AGAP1: variants seen among roughly 807,000 people sequenced by gnomAD.
AGAP1 encodes the protein arf-GAP with GTPase, ANK repeat and PH domain-containing protein 1.
AGAP1 carries 29 observed loss-of-function variants against 105.3 expected under a neutral mutation model. The observed-to-expected ratio is 0.28, with a 90% CI of 0.21 to 0.38. The LOEUF (loss-of-function observed/expected upper bound fraction) is 0.38, where lower values mean the gene tolerates loss of function less well. AGAP1 is among the 10% of genes least tolerant of loss of function. The probability of loss-of-function intolerance (pLI) is 1.00; values close to 1 mark genes in which losing one functional copy is unlikely to be tolerated. For synonymous variants in AGAP1, 509 were observed against 485.9 expected, an observed-to-expected ratio of 1.05 and a Z score of -0.63; for missense variants, 998 against 1,165.1, an observed-to-expected ratio of 0.86 and a Z score of 2.09.
intron 13 of AGAP1, among the ~76,000 whole-genome samples, chr2:235,978,292 C>T (rs1015178657): frequency 6.6e-6 from 1 of 152,164 alleles, no homozygotes; most frequent in African/African-American, 2.4e-5. Flanking sequence ...CCCCACCCAC[C>T]CACTCACCCA....
rs948792778 is a variant in AGAP1 at position 235,574,274 on chromosome 2, C to T, written c.163+79425C>T. Among the ~76,000 whole-genome samples the T allele has an allele frequency of 5.9e-5, 9 of 152,216 alleles. No individual in the cohort carries two copies. Among genetic ancestry groups the T allele is most frequent in the Non-Finnish European group, 1.0e-4 (7 of 68,036 alleles). The stretch of plus-strand genomic sequence containing the variant: ...CTCTGAGATCCACCCCCACTCCTGC[C>T]ATCAGGCATTAAAATCTTCCGAACA... On this transcript the variant is annotated intron_variant, in intron 1 of 17. Transcript: ENST00000304032. This position sits in a 1 kb window ranked among gnomAD's most constrained non-coding sequence, Gnocchi z 5.0.
Position 236,094,923 on chromosome 2 carries a change from CAAAAAAA to C in AGAP1, c.2115-25249_2115-25243del, listed in dbSNP as rs59126473. 7.4e-3 allele frequency among the ~76,000 whole-genome samples: 278 copies of C among 37,770 alleles called. 1 individual carries two copies. Among genetic ancestry groups the C allele is most frequent in the Non-Finnish European group, 9.2e-3 (142 of 15,396 alleles). 24.8% of individuals were successfully genotyped at this position (37,770 alleles called of 152,430 possible). On this transcript the variant is annotated intron_variant, in intron 16 of 17. Coordinates refer to ENST00000304032, the MANE Select transcript of AGAP1 (RefSeq NM_001037131.3). ...ATCACAGCAAGAGACCCCATCTCTA[CAAAAAAA>C]AAAAAAAAAAAAAAAAAAATTAGCC...
At position 236,001,652 on chromosome 2, in the gene AGAP1, C is replaced by T. The variant is rs1195507144; in HGVS notation, c.1645+33029C>T. ...GGCCGGGAGACCAGGAGGCCGAGAG[C>T]GGTAGAACGTCACATCCTGGAGGGG... On this transcript the variant is annotated intron_variant, in intron 13 of 17. Transcript: ENST00000304032. This position sits in a 1 kb window ranked among gnomAD's most constrained non-coding sequence, Gnocchi z 4.7. 6.6e-6 allele frequency among the ~76,000 whole-genome samples: 1 copy of T among 152,062 alleles called. No homozygotes were observed. The highest frequency in any genetic ancestry group is 1.5e-5 in the Non-Finnish European group (1 of 68,010).
chr2:235,616,859 C>T (rs865996701), intron 1 of AGAP1, among the ~76,000 whole-genome samples: 2 of 152,260 alleles, frequency 1.3e-5, no homozygotes, highest in South Asian at 2.1e-4. Context: ...TTTGTTGCTT[C>T]GCTGAAGTGA....
chr2:236,048,944 G>C, intron 15 of AGAP1, 115 bp from the exon 16 acceptor site: 2 of 1,007,478 alleles, frequency 2.0e-6, no homozygotes, highest in Non-Finnish European at 3.0e-6. Context: ...TCTCGCCATG[G>C]ATGTGGTTCT....
intron 8 of AGAP1, among the ~76,000 whole-genome samples, chr2:235,802,576 T>C (rs1957544634): frequency 6.6e-6 from 1 of 152,226 alleles, no homozygotes; most frequent in Non-Finnish European, 1.5e-5. Flanking sequence ...GTGAAAGTTC[T>C]GGGCAGGGAT....
At position 236,090,091 on chromosome 2, in the gene AGAP1, C is replaced by T. The variant is rs554481584; in HGVS notation, c.2115-30101C>T. Among the ~76,000 whole-genome samples the T allele has an allele frequency of 4.9e-4, 75 of 152,334 alleles. No individual in the cohort carries two copies. The highest frequency in any genetic ancestry group is 7.9e-4 in the Non-Finnish European group (54 of 68,038). ...CACGTGTTTACCAGGAAACCCACTG[C>T]TCTCCTCACCTTGCCCTGCGCGCCT... On this transcript the variant is annotated intron_variant, in intron 16 of 17. Transcript: ENST00000304032. This position sits in a 1 kb window ranked among gnomAD's most constrained non-coding sequence, Gnocchi z 4.3.
intron 6 of AGAP1, among the ~76,000 whole-genome samples, chr2:235,794,249 A>G (rs1348506467): frequency 6.6e-6 from 1 of 152,144 alleles, no homozygotes; most frequent in Admixed American, 6.5e-5. Flanking sequence ...TAAAATTTTA[A>G]AATTATAGAG....
At position 235,906,685 on chromosome 2, in the gene AGAP1, A is replaced by T. The variant is rs551060121; in HGVS notation, c.1156-2053A>T. ...GTCACACCCCAGGCTCACCCACCTG[A>T]CCATGGTTGGGCAGGGAGAAAACAG... On this transcript the variant is annotated intron_variant, in intron 10 of 17. Coordinates refer to ENST00000304032, the MANE Select transcript of AGAP1 (RefSeq NM_001037131.3). This position sits in a 1 kb window ranked among gnomAD's most constrained non-coding sequence, Gnocchi z 5.3. 3.3e-5 allele frequency among the ~76,000 whole-genome samples: 5 copies of T among 150,316 alleles called. No individual in the cohort carries two copies. In the East Asian group the frequency reaches 7.8e-4, roughly 23 times the overall value.
Position 236,076,999 on chromosome 2 carries a change from A to G in AGAP1, c.2114+27718A>G, listed in dbSNP as rs1296155163. On this transcript the variant is annotated intron_variant, in intron 16 of 17. Coordinates refer to ENST00000304032, the MANE Select transcript of AGAP1 (RefSeq NM_001037131.3). This position sits in a 1 kb window ranked among gnomAD's most constrained non-coding sequence, Gnocchi z 4.4. Reference sequence around the variant, plus strand: ...GGTGGTGCATGTCTGTGTCCCAGCTACTCCAGAGGCTGAGGCGGGAGGATC... The same window carrying G: ...GGTGGTGCATGTCTGTGTCCCAGCTGCTCCAGAGGCTGAGGCGGGAGGATC... Among the ~76,000 whole-genome samples, 2 of 150,936 alleles carry G rather than the reference A, an allele frequency of 1.3e-5. No individual in the cohort carries two copies. Among genetic ancestry groups the G allele is most frequent in the African/African-American group, 4.9e-5 (2 of 41,140 alleles).
chr2:235,560,750 A>C (rs1013913741), intron 1 of AGAP1, among the ~76,000 whole-genome samples: 10 of 152,194 alleles, frequency 6.6e-5, no homozygotes, highest in African/African-American at 2.4e-4. Flanking sequence ...GGTGAGACCC[A>C]CATTGGACTT....
chr2:235,935,935 CACCT>C (rs972126375), intron 12 of AGAP1, among the ~76,000 whole-genome samples: 6 of 152,162 alleles, frequency 3.9e-5, no homozygotes, highest in Admixed American at 2.6e-4. Context: ...CCAGAGTGCT[CACCT>C]GCCTGCCTGC....
At chr2:235,786,582 T>C (rs1956651308) in intron 6 of AGAP1, among the ~76,000 whole-genome samples, 1 of 152,216 alleles carries the variant, frequency 6.6e-6, no homozygotes, top group Admixed American at 6.5e-5. Flanking sequence ...CTCAGCTCTC[T>C]AAGAGATTCT....
rs1961097975 is a variant in AGAP1 at position 235,843,446 on chromosome 2, A to G, written c.1050+36115A>G. 1.3e-5 allele frequency among the ~76,000 whole-genome samples: 2 copies of G among 152,164 alleles called. No homozygotes were observed. Among genetic ancestry groups the G allele is most frequent in the African/African-American group, 4.8e-5 (2 of 41,530 alleles). Reference sequence around the variant, plus strand: ...GGTTGGGCCCCACTTTCTTCCTGGAAAGGTATTTTCTGGGGCCAGGGAGCA... The same window carrying G: ...GGTTGGGCCCCACTTTCTTCCTGGAGAGGTATTTTCTGGGGCCAGGGAGCA... On this transcript the variant is annotated intron_variant, in intron 9 of 17. Transcript: ENST00000304032. The surrounding 1 kb of genome is among the most constrained non-coding windows in gnomAD (Gnocchi z 5.9).
At chr2:235,503,657 C>G (rs1941663565) in intron 1 of AGAP1, among the ~76,000 whole-genome samples, 1 of 152,178 alleles carries the variant, frequency 6.6e-6, no homozygotes, top group Admixed American at 6.5e-5. Context: ...TGCAGTGGCA[C>G]TATTGGGGCT....
At position 235,516,431 on chromosome 2, in the gene AGAP1, T is replaced by C. The variant is rs143755057; in HGVS notation, c.163+21582T>C. Among the ~76,000 whole-genome samples the C allele has an allele frequency of 3.2e-3, 486 of 152,274 alleles. 2 individuals carry two copies. The highest frequency in any genetic ancestry group is 0.011 in the African/African-American group (465 of 41,554). On this transcript the variant is annotated intron_variant, in intron 1 of 17. Transcript: ENST00000304032. ...GCTTGTTGAGAGGCAGTATATGTCATGTCTAAGAAGAGTCCTCAAGTGAAG... is the reference window on the plus strand; with the variant it reads ...GCTTGTTGAGAGGCAGTATATGTCACGTCTAAGAAGAGTCCTCAAGTGAAG...
chr2:235,808,639 G>A (rs529056297), intron 9 of AGAP1, among the ~76,000 whole-genome samples: 19 of 152,156 alleles, frequency 1.2e-4, no homozygotes, highest in East Asian at 1.9e-4. Flanking sequence ...TTCTCCTTCC[G>A]TGCTCACAGG....
At chr2:235,560,818 T>C (rs1944124680) in intron 1 of AGAP1, among the ~76,000 whole-genome samples, 1 of 152,034 alleles carries the variant, frequency 6.6e-6, no homozygotes, top group Non-Finnish European at 1.5e-5. Flanking sequence ...GTCAGCTGAG[T>C]GGTCACGGCG....
intron 11 of AGAP1, among the ~76,000 whole-genome samples, chr2:235,920,415 G>A (rs1003106091): frequency 4.6e-5 from 7 of 152,162 alleles, no homozygotes; most frequent in South Asian, 2.1e-4. Context: ...TCCTTCATCC[G>A]CTGCATGCGC....
Sources: allele counts gnomAD v4.1 joint callset (sites outside exome capture counted in the v4.1 genomes callset), GRCh38; gene constraint gnomAD v4.1.1; non-coding constraint Gnocchi (gnomAD v3.1); transcripts MANE v1.5; gene names NCBI Gene and HGNC (gene_info 2026-07-23, HGNC 2026-07-21).